ERCC8: variants seen among roughly 807,000 people sequenced by gnomAD.
The protein encoded by ERCC8 is ERCC excision repair 8, CSA ubiquitin ligase complex subunit.
ERCC8 carries 52 observed loss-of-function variants against 54.9 expected under a neutral mutation model. The ratio of observed to expected loss-of-function variants is 0.95; its 90% CI spans 0.76 to 1.19. ERCC8 has a LOEUF of 1.19. Ranked by LOEUF, ERCC8 falls within the 50% of genes most tolerant of loss-of-function variation. The pLI is 0.00. For synonymous variants in ERCC8, 146 were observed against 157.2 expected (o/e 0.93, Z 0.53); for missense variants, 514 against 466.1 (o/e 1.10, Z -0.95).
intron 2 of ERCC8, among the ~76,000 whole-genome samples, chr5:60,923,361 T>C (rs943930780): frequency 2.0e-5 from 3 of 152,118 alleles, no homozygotes; most frequent in African/African-American, 7.2e-5. Flanking sequence ...ACCATATTTG[T>C]CTCTAATACT....
chr5:60,934,946 C>T (rs1223708733), intron 1 of ERCC8, among the ~76,000 whole-genome samples: 1 of 152,178 alleles, frequency 6.6e-6, no homozygotes, highest in Non-Finnish European at 1.5e-5. Flanking sequence ...TTACCACTAG[C>T]ATGCTGTTTT....
At chr5:60,896,917 A>G (rs1748740254) in intron 9 of ERCC8, among the ~76,000 whole-genome samples, 1 of 152,110 alleles carries the variant, frequency 6.6e-6, no homozygotes, top group African/African-American at 2.4e-5. Flanking sequence ...TGATCCTGTC[A>G]CTTCTCCACT....
chr5:60,888,176 A>T (rs1748450819), intron 10 of ERCC8, among the ~76,000 whole-genome samples: 1 of 152,160 alleles, frequency 6.6e-6, no homozygotes, highest in Non-Finnish European at 1.5e-5. Context: ...TATTTTTATT[A>T]TTGTACATCT....
In ERCC8 at chr5:60,870,482, T is replaced by TAAAAAAAA. The variant is rs57423118; in HGVS notation, c.*4125_*4132dup. Among the ~76,000 whole-genome samples the TAAAAAAAA allele has an allele frequency of 9.8e-4, 48 of 48,784 alleles. 1 individual carries two copies. Among genetic ancestry groups the TAAAAAAAA allele is most frequent in the African/African-American group, 2.5e-3 (25 of 10,056 alleles). 32.0% of individuals were successfully genotyped at this position (48,784 alleles called of 152,430 possible). A position where few individuals can be genotyped will look rare whatever the true frequency, so the allele number is the denominator to read the frequency against. On this transcript the variant is annotated 3_prime_UTR_variant, in exon 12 of 12. Coordinates refer to ENST00000676185, the MANE Select transcript of ERCC8 (RefSeq NM_000082.4). ...CAACATGGTGAAACCCCACCTCTGC[T>TAAAAAAAA]AAAAAAAAAAAAAAAAAAAAAAAAA...
Position 60,867,212 on chromosome 5 carries a change from A to C in ERCC8, c.*7403T>G, listed in dbSNP as rs1245051929. Among the ~76,000 whole-genome samples the C allele has an allele frequency of 6.6e-6, 1 of 152,146 alleles. No homozygotes were observed. The highest frequency in any genetic ancestry group is 2.4e-5 in the African/African-American group (1 of 41,420). On this transcript the variant is annotated 3_prime_UTR_variant, in exon 12 of 12. Coordinates refer to ENST00000676185, the MANE Select transcript of ERCC8 (RefSeq NM_000082.4). Reference sequence around the variant, plus strand: ...TATATGTTTCCTTGGTAGTGACCTAAGACAGACTCAGGACTTTTGATTTCC... The same window carrying C: ...TATATGTTTCCTTGGTAGTGACCTACGACAGACTCAGGACTTTTGATTTCC...
chr5:60,945,002 C>T lies in ERCC8; in HGVS notation c.7G>A (p.Gly3Arg). 6.2e-7 allele frequency: 1 copy of T among 1,613,970 alleles called. No homozygotes were observed. The highest frequency in any genetic ancestry group is 8.5e-7 in the Non-Finnish European group (1 of 1,179,876). Residue 3 changes from glycine (G) to arginine (R), a missense_variant, in exon 1 of 12, where the codon GGG becomes AGG. Coordinates refer to ENST00000676185, the MANE Select transcript of ERCC8 (RefSeq NM_000082.4). ...CCCGTTTGGCGTGCGGACAAAAACC[C>T]CAGCATATCGTGTCCTCACACCGGC... The part of the protein sequence containing the change: ML[G>R]FLSARQTGLE...
At chr5:60,928,009 A>T (rs1031150977) in intron 2 of ERCC8, among the ~76,000 whole-genome samples, 2 of 152,216 alleles carry the variant, frequency 1.3e-5, no homozygotes, top group African/African-American at 2.4e-5. Flanking sequence ...AACACCAAAA[A>T]CTGTTTCCTT....
intron 2 of ERCC8, among the ~76,000 whole-genome samples, chr5:60,926,978 C>A (rs762095842): frequency 2.0e-5 from 3 of 152,088 alleles, no homozygotes; most frequent in Non-Finnish European, 4.4e-5. Context: ...CTATGAGATA[C>A]TTTTTGCTGA....
intron 11 of ERCC8, among the ~76,000 whole-genome samples, chr5:60,877,872 C>A (rs1436166105): frequency 1.3e-5 from 2 of 152,138 alleles, no homozygotes; most frequent in Non-Finnish European, 2.9e-5. Flanking sequence ...TTTCCTTTTC[C>A]TGCCTGATTG....
chr5:60,888,052 T>A (rs1000357053), intron 10 of ERCC8, among the ~76,000 whole-genome samples: 3 of 152,222 alleles, frequency 2.0e-5, no homozygotes, highest in African/African-American at 7.2e-5. Context: ...ACAGCCTATG[T>A]CAATGTCTAC....
intron 1 of ERCC8, among the ~76,000 whole-genome samples, chr5:60,935,443 C>T (rs933435695): frequency 3.3e-5 from 5 of 152,092 alleles, no homozygotes; most frequent in Admixed American, 1.3e-4. Flanking sequence ...TTGGATGAGT[C>T]TTTAGGGTTT....
chr5:60,887,073 A>G (rs1041137354), intron 11 of ERCC8, among the ~76,000 whole-genome samples: 2 of 152,240 alleles, frequency 1.3e-5, no homozygotes, highest in Non-Finnish European at 2.9e-5. Flanking sequence ...TATGCATAGG[A>G]AAAAACAGTT....
At chr5:60,893,358 G>A (rs185557435) in intron 9 of ERCC8, 2 of 851,490 alleles carry the variant, frequency 2.3e-6, no homozygotes, top group Admixed American at 3.4e-5. Flanking sequence ...ATAGACCTGC[G>A]TTTTTGTCTT....
intron 4 of ERCC8, among the ~76,000 whole-genome samples, chr5:60,908,218 ATTTT>A (rs35483171): frequency 6.9e-6 from 1 of 145,222 alleles, no homozygotes. Context: ...CAGAGTTCAG[ATTTT>A]TTTTTTTTTG....
intron 7 of ERCC8, 47 bp from the exon 8 acceptor site, chr5:60,899,774 A>G: frequency 7.4e-7 from 1 of 1,346,710 alleles, no homozygotes; most frequent in South Asian, 1.2e-5. Flanking sequence ...TAGGACAATG[A>G]CTGTACCCCT....
chr5:60,869,703 T>C lies in ERCC8; in HGVS notation c.*4912A>G, dbSNP rs1747823258. 6.6e-6 allele frequency among the ~76,000 whole-genome samples: 1 copy of C among 152,214 alleles called. No homozygotes were observed. The highest frequency in any genetic ancestry group is 6.5e-5 in the Admixed American group (1 of 15,282). ...TCTACGATGTGATTTTTTAGGCTTC[T>C]GGTTAAAAATAGATTTATGGCTATG... On this transcript the variant is annotated 3_prime_UTR_variant, in exon 12 of 12. Coordinates refer to ENST00000676185, the MANE Select transcript of ERCC8 (RefSeq NM_000082.4).
At chr5:60,885,931 A>T (rs957829453) in intron 11 of ERCC8, among the ~76,000 whole-genome samples, 2 of 152,134 alleles carry the variant, frequency 1.3e-5, no homozygotes, top group Non-Finnish European at 2.9e-5. Flanking sequence ...TTGAATGTCA[A>T]ACGTGCTCTA....
chr5:60,919,355 A>G (rs541449851), intron 3 of ERCC8: 5 of 152,108 alleles, frequency 3.3e-5, no homozygotes, highest in African/African-American at 1.2e-4. Context: ...CCAATCTTGT[A>G]TATGTTTGAA....
Position 60,869,146 on chromosome 5 carries a change from C to A in ERCC8, c.*5469G>T, listed in dbSNP as rs1186406427. On this transcript the variant is annotated 3_prime_UTR_variant, in exon 12 of 12. Transcript: ENST00000676185. ...ATAAAAATTATAGAATTCACAGAAA[C>A]GTCTTTAGCTTCTCTAGTCTTCAGT... 6.6e-6 allele frequency among the ~76,000 whole-genome samples: 1 copy of A among 152,082 alleles called. No homozygotes were observed. Among genetic ancestry groups the A allele is most frequent in the Non-Finnish European group, 1.5e-5 (1 of 67,998 alleles).
Sources: gnomAD v4.1 joint callset for allele counts (sites outside exome capture counted in the v4.1 genomes callset) on GRCh38, gnomAD v4.1.1 for gene constraint, MANE v1.5 for transcripts, NCBI Gene and HGNC (gene_info 2026-07-23, HGNC 2026-07-21) for gene names.